Variants in LRP1B observed in about 807,000 individuals in gnomAD.
The protein encoded by LRP1B is LDL receptor related protein 1B.
Under a neutral mutation model 556.6 loss-of-function variants are expected in LRP1B, and 217 were observed. That is an observed-to-expected ratio of 0.39 (90% CI 0.35 to 0.44). LRP1B has a LOEUF of 0.44. Among genes scored for constraint, LRP1B ranks in the 20% least tolerant of loss-of-function variants. The probability of loss-of-function intolerance (pLI) is 1.00; values close to 1 mark genes in which losing one functional copy is unlikely to be tolerated. For synonymous variants in LRP1B, 2,047 were observed against 1,865.8 expected (o/e 1.10, Z -2.50); for missense variants, 5,053 against 5,620.8 (o/e 0.90, Z 3.23).
chr2:141,479,784 C>T (rs559214728), intron 3 of LRP1B, among the ~76,000 whole-genome samples: 15 of 152,156 alleles, frequency 9.9e-5, no homozygotes, highest in South Asian at 2.1e-4. Context: ...CTAGAAAGTG[C>T]CAGTAGCATT....
chr2:142,080,811 CA>C (rs1328649682), intron 1 of LRP1B, among the ~76,000 whole-genome samples: 2 of 152,148 alleles, frequency 1.3e-5, no homozygotes, highest in South Asian at 2.1e-4. Context: ...CTACACTTAC[CA>C]CAGGTAAAAC....
chr2:141,852,393 T>C (rs1697895815), intron 1 of LRP1B, among the ~76,000 whole-genome samples: 1 of 151,800 alleles, frequency 6.6e-6, no homozygotes, highest in African/African-American at 2.4e-5. Flanking sequence ...TAGTAAAAAT[T>C]ATATATACAA....
intron 1 of LRP1B, among the ~76,000 whole-genome samples, chr2:141,954,782 T>G (rs1436162702): frequency 1.3e-5 from 2 of 152,104 alleles, no homozygotes; most frequent in Non-Finnish European, 2.9e-5. Context: ...GCTCAAAGTT[T>G]TGAGCCTCTG....
chr2:140,987,194 C>T (rs1299785591), intron 17 of LRP1B, among the ~76,000 whole-genome samples: 1 of 151,850 alleles, frequency 6.6e-6, no homozygotes, highest in Non-Finnish European at 1.5e-5. Context: ...TCTTTTTATT[C>T]GAGTTCTTAA....
chr2:140,518,933 C>T (rs1241234944), intron 49 of LRP1B, among the ~76,000 whole-genome samples: 1 of 151,802 alleles, frequency 6.6e-6, no homozygotes, highest in East Asian at 1.9e-4. Flanking sequence ...CTTTCTCTTG[C>T]CTGATTGCCC....
chr2:141,766,656 G>C (rs547443977), intron 2 of LRP1B, among the ~76,000 whole-genome samples: 1 of 152,268 alleles, frequency 6.6e-6, no homozygotes, highest in South Asian at 2.1e-4. Flanking sequence ...ATAGGATGGA[G>C]GAAAGTGCCT....
At chr2:140,236,055 G>C (rs1680684087) in intron 89 of LRP1B, among the ~76,000 whole-genome samples, 1 of 150,854 alleles carries the variant, frequency 6.6e-6, no homozygotes, top group South Asian at 2.1e-4. Context: ...CTTTTTCCTT[G>C]AAAAATTTCA....
chr2:141,448,894 T>G (rs1435863988), intron 3 of LRP1B, among the ~76,000 whole-genome samples: 1 of 152,238 alleles, frequency 6.6e-6, no homozygotes, highest in African/African-American at 2.4e-5. Flanking sequence ...GTTTCCATCT[T>G]CAGAGTTCAA....
At chr2:141,538,397 C>A (rs1211199456) in intron 2 of LRP1B, among the ~76,000 whole-genome samples, 2 of 152,130 alleles carry the variant, frequency 1.3e-5, no homozygotes, top group Non-Finnish European at 2.9e-5. Context: ...AAAGCTTTAA[C>A]TGCTCTTTCC....
rs373404657 is a variant in LRP1B at position 141,247,326 on chromosome 2, T to G, written c.492A>C (p.Thr164=). The part of the protein sequence containing the change: ...KDQDECAVYG[T]CSQTCRNTHG... ...GTGTGTTTCTGCAGGTCTGGCTGCA[T>G]GTACCATAAACAGCACATTCATCTT... is the stretch of plus-strand genomic sequence containing the variant. The change falls in exon 5 of 91, where the codon ACA becomes ACC. Residue 164 remains threonine, a synonymous_variant. Coordinates refer to ENST00000389484, the MANE Select transcript of LRP1B (RefSeq NM_018557.3). 36 of 1,613,690 alleles carry G rather than the reference T, an allele frequency of 2.2e-5. No individual in the cohort carries two copies. In the African/African-American group the frequency reaches 4.5e-4, roughly 20 times the overall value.
chr2:140,851,039 T>G lies in LRP1B; in HGVS notation c.4711+613A>C, dbSNP rs116379219. Among the ~76,000 whole-genome samples, 513 of 152,218 alleles carry G rather than the reference T, an allele frequency of 3.4e-3. 4 individuals carry two copies. The highest frequency in any genetic ancestry group is 0.012 in the African/African-American group (495 of 41,552). On this transcript the variant is annotated intron_variant, in intron 28 of 90. Transcript: ENST00000389484. ...TAAACTCCTGACTTTTAAATTTTGGTGAGTACTTTTTTTCTGTCCTTAAAA... is the reference window on the plus strand; with the variant it reads ...TAAACTCCTGACTTTTAAATTTTGGGGAGTACTTTTTTTCTGTCCTTAAAA...
intron 41 of LRP1B, among the ~76,000 whole-genome samples, chr2:140,648,889 A>C (rs2105315702): frequency 6.6e-6 from 1 of 152,296 alleles, no homozygotes; most frequent in Admixed American, 6.5e-5. Context: ...TGACTGTTGT[A>C]TGAAACACAA....
intron 1 of LRP1B, among the ~76,000 whole-genome samples, chr2:141,971,292 C>A (rs1285975170): frequency 6.6e-6 from 1 of 151,228 alleles, no homozygotes; most frequent in Admixed American, 6.6e-5. Flanking sequence ...AATAAAATAT[C>A]CTTGAAAAAA....
intron 1 of LRP1B, among the ~76,000 whole-genome samples, chr2:142,041,286 G>T (rs912021391): frequency 4.6e-5 from 7 of 151,262 alleles, no homozygotes; most frequent in Non-Finnish European, 8.9e-5. Context: ...AAGCTTCAAG[G>T]AGCACATGGT....
At chr2:140,954,100 T>A (rs1286144590) in intron 18 of LRP1B, among the ~76,000 whole-genome samples, 1 of 152,212 alleles carries the variant, frequency 6.6e-6, no homozygotes, top group Non-Finnish European at 1.5e-5. Flanking sequence ...AGGATTCAGT[T>A]AACAAGATTT....
intron 10 of LRP1B, among the ~76,000 whole-genome samples, chr2:141,051,791 A>G (rs752988438): frequency 6.4e-4 from 97 of 152,096 alleles, no homozygotes; most frequent in Non-Finnish European, 1.1e-3. Context: ...TGTGATTAAT[A>G]TTATTTTTAT....
chr2:141,169,470 G>T (rs1680405777), intron 7 of LRP1B, among the ~76,000 whole-genome samples: 1 of 151,824 alleles, frequency 6.6e-6, no homozygotes, highest in Non-Finnish European at 1.5e-5. Flanking sequence ...ACTTATATCA[G>T]AATGTTTTCC....
intron 2 of LRP1B, among the ~76,000 whole-genome samples, chr2:141,544,305 T>TTCTTCTTCTTCTTCTTCTTCTTC (rs1685394198): frequency 4.6e-4 from 3 of 6,534 alleles, no homozygotes; most frequent in African/African-American, 1.5e-3. Context: ...ACTCTTCTTC[T>TTCTTCTTCTTCTTCTTCTTCTTC]TCTTCTTCTT....
intron 6 of LRP1B, among the ~76,000 whole-genome samples, chr2:141,199,414 C>G (rs1281547519): frequency 6.6e-6 from 1 of 152,044 alleles, no homozygotes; most frequent in East Asian, 1.9e-4. Context: ...TCAGTCTGCA[C>G]TTTTTTCCCC....
Sources: gnomAD v4.1 joint callset for allele counts (sites outside exome capture counted in the v4.1 genomes callset) on GRCh38, gnomAD v4.1.1 for gene constraint, MANE v1.5 for transcripts, NCBI Gene and HGNC (gene_info 2026-07-23, HGNC 2026-07-21) for gene names.